FBXL13: variants seen among roughly 807,000 people sequenced by gnomAD.
The protein encoded by FBXL13 is F-box and leucine-rich repeat protein 13.
FBXL13 carries 67 observed loss-of-function variants against 83.6 expected under a neutral mutation model. The observed-to-expected ratio is 0.80, with a 90% CI of 0.66 to 0.98. The LOEUF (loss-of-function observed/expected upper bound fraction) is 0.98. FBXL13 is among the 50% of genes least tolerant of loss of function. FBXL13 has a pLI of 0.00. For missense variants in FBXL13, 822 were observed against 866.5 expected (o/e 0.95, Z 0.64); for synonymous variants, 272 against 299.5 (o/e 0.91, Z 0.95).
At chr7:102,881,381 G>A (rs926735903) in intron 14 of FBXL13, among the ~76,000 whole-genome samples, 2 of 142,382 alleles carry the variant, frequency 1.4e-5, no homozygotes, top group Non-Finnish European at 3.0e-5. Flanking sequence ...AGGTTGCAGT[G>A]AGCCAAGATT....
chr7:102,832,094 C>G (rs540936354), intron 18 of FBXL13, among the ~76,000 whole-genome samples: 1 of 152,096 alleles, frequency 6.6e-6, no homozygotes, highest in Non-Finnish European at 1.5e-5. Context: ...AAAATACCAG[C>G]GATGGTTATG....
intron 2 of FBXL13, among the ~76,000 whole-genome samples, chr7:103,044,538 G>A (rs936682394): frequency 2.3e-4 from 35 of 152,004 alleles, no homozygotes; most frequent in African/African-American, 7.7e-4. Context: ...ATAATTTCTG[G>A]GATTTGCTTT....
intron 1 of FBXL13, among the ~76,000 whole-genome samples, chr7:103,071,107 T>A (rs543451682): frequency 1.4e-3 from 217 of 151,704 alleles, no homozygotes; most frequent in African/African-American, 5.0e-3. Flanking sequence ...ACAAAATTAG[T>A]AAACTTGAAA....
At chr7:103,014,937 A>C (rs1345242351) in intron 6 of FBXL13, among the ~76,000 whole-genome samples, 1 of 150,670 alleles carries the variant, frequency 6.6e-6, no homozygotes, top group South Asian at 2.1e-4. Context: ...AAAAAAAAAA[A>C]AAAAAAAAAA....
chr7:102,963,812 T>C (rs1825658663), intron 7 of FBXL13, 147 bp from the exon 9 acceptor site: 4 of 731,718 alleles, frequency 5.5e-6, no homozygotes, highest in Non-Finnish European at 8.3e-6. Context: ...ACAGACAACC[T>C]ATAGAATGAG....
chr7:103,018,260 A>T (rs1289825392), intron 6 of FBXL13, among the ~76,000 whole-genome samples: 2 of 152,244 alleles, frequency 1.3e-5, no homozygotes, highest in African/African-American at 4.8e-5. Context: ...AATCCTTTAC[A>T]GACAAGCAAA....
At chr7:103,034,101 A>G (rs1464374645) in intron 2 of FBXL13, among the ~76,000 whole-genome samples, 5 of 152,192 alleles carry the variant, frequency 3.3e-5, no homozygotes, top group Admixed American at 1.3e-4. Flanking sequence ...CAGAGTGCTG[A>G]TTGGTGTATT....
In FBXL13 at chr7:102,876,083, G is replaced by T. The variant is rs1227858064; in HGVS notation, c.1635+1384C>A. 2.6e-5 allele frequency among the ~76,000 whole-genome samples: 4 copies of T among 152,170 alleles called. No homozygotes were observed. In the East Asian group the frequency reaches 7.7e-4, roughly 29 times the overall value. On this transcript the variant is annotated intron_variant, in intron 16 of 19. Transcript: ENST00000313221. ...TGAGTTTGAGGGCAAACACATTCAT[G>T]ATGTGGGAGCAAGAAAATGTCTCCA...
chr7:102,876,701 G>A (rs1809320992), intron 16 of FBXL13, among the ~76,000 whole-genome samples: 1 of 152,094 alleles, frequency 6.6e-6, no homozygotes, highest in Admixed American at 6.5e-5. Flanking sequence ...GGCCCTCATA[G>A]ACAGTTGATA....
At chr7:102,969,498 A>T (rs1195570860) in intron 6 of FBXL13, among the ~76,000 whole-genome samples, 2 of 151,956 alleles carry the variant, frequency 1.3e-5, no homozygotes, top group Non-Finnish European at 2.9e-5. Context: ...AAAAAAAAAG[A>T]AAAGAGAGAG....
chr7:102,965,928 G>A (rs1178145064), intron 7 of FBXL13, among the ~76,000 whole-genome samples: 1 of 152,114 alleles, frequency 6.6e-6, no homozygotes, highest in Non-Finnish European at 1.5e-5. Context: ...ATGATATCAC[G>A]TGCTCAGACT....
intron 17 of FBXL13, among the ~76,000 whole-genome samples, chr7:102,837,311 C>T (rs950754172): frequency 6.6e-6 from 1 of 152,182 alleles, no homozygotes; most frequent in Non-Finnish European, 1.5e-5. Context: ...CTGAGCAAGG[C>T]TTAGCAAAGG....
intron 8 of FBXL13, among the ~76,000 whole-genome samples, chr7:102,937,335 A>C (rs1024542761): frequency 2.5e-5 from 2 of 81,566 alleles, no homozygotes; most frequent in Non-Finnish European, 4.8e-5. Context: ...CCCCATCTCT[A>C]CTAAAAATAC....
chr7:103,003,663 C>A (rs1467822261), intron 6 of FBXL13, among the ~76,000 whole-genome samples: 4 of 152,058 alleles, frequency 2.6e-5, no homozygotes, highest in African/African-American at 9.7e-5. Flanking sequence ...CTCACTGCAA[C>A]CTCTGCCTCC....
intron 6 of FBXL13, among the ~76,000 whole-genome samples, chr7:103,017,701 A>G (rs979304973): frequency 6.6e-6 from 1 of 152,276 alleles, no homozygotes; most frequent in African/African-American, 2.4e-5. Flanking sequence ...AGCTGATTCC[A>G]TCAAGTGGAA....
chr7:103,037,166 T>G (rs1795153968), intron 2 of FBXL13, among the ~76,000 whole-genome samples: 1 of 152,230 alleles, frequency 6.6e-6, no homozygotes, highest in Non-Finnish European at 1.5e-5. Flanking sequence ...ACTTAATGTT[T>G]TACTCCTTCC....
At chr7:102,867,576 G>A (rs918919801) in intron 16 of FBXL13, among the ~76,000 whole-genome samples, 17 of 149,720 alleles carry the variant, frequency 1.1e-4, no homozygotes, top group African/African-American at 2.0e-4. Context: ...GCCAAGGGCC[G>A]CCTCAGGAAG....
chr7:102,853,271 C>T (rs1258752496), intron 17 of FBXL13, among the ~76,000 whole-genome samples: 1 of 152,030 alleles, frequency 6.6e-6, no homozygotes, highest in Non-Finnish European at 1.5e-5. Context: ...TCACAAATTA[C>T]CACTAAAAAA....
intron 9 of FBXL13, among the ~76,000 whole-genome samples, chr7:102,928,728 T>C (rs184627066): frequency 2.2e-4 from 34 of 152,336 alleles, no homozygotes; most frequent in African/African-American, 7.5e-4. Flanking sequence ...ACATTTAACA[T>C]AGTAGGTGCT....
Sources: gnomAD v4.1 joint callset for allele counts (sites outside exome capture counted in the v4.1 genomes callset) on GRCh38, gnomAD v4.1.1 for gene constraint, MANE v1.5 for transcripts, NCBI Gene and HGNC (gene_info 2026-07-23, HGNC 2026-07-21) for gene names.